The following PPP1CB variants were observed in gnomAD, a reference collection of about 807,000 sequenced individuals.
PPP1CB encodes the protein protein phosphatase 1 catalytic subunit beta.
In PPP1CB, 2 loss-of-function variants were observed where a neutral mutation model predicts 43.7. The observed-to-expected ratio is 0.05, with a 90% CI of 0.02 to 0.14. The LOEUF (loss-of-function observed/expected upper bound fraction) is 0.14, where lower values mean the gene tolerates loss of function less well. Ranked by LOEUF, PPP1CB falls within the 10% of genes least tolerant of loss-of-function variation. The pLI is 1.00. For synonymous variants in PPP1CB, 136 were observed against 135.6 expected (o/e 1.00, Z -0.02); for missense variants, 84 against 398.0 (o/e 0.21, Z 6.71).
chr2:28,798,983 G>A (rs1315227061), intron 7 of PPP1CB, among the ~76,000 whole-genome samples: 1 of 152,018 alleles, frequency 6.6e-6, no homozygotes, highest in African/African-American at 2.4e-5. Context: ...GGATTGGATA[G>A]TTGATAGAGT....
intron 6 of PPP1CB, among the ~76,000 whole-genome samples, chr2:28,790,236 G>A (rs1053866407): frequency 3.0e-5 from 4 of 133,058 alleles, no homozygotes; most frequent in Admixed American, 2.3e-4. Flanking sequence ...AGTGTAGATC[G>A]TACCATTTCA....
At chr2:28,759,162 C>T (rs114645391) in intron 1 of PPP1CB, among the ~76,000 whole-genome samples, 107 of 152,280 alleles carry the variant, frequency 7.0e-4, no homozygotes, top group African/African-American at 2.5e-3. Flanking sequence ...TGTCATAGTG[C>T]AATGCATTAC....
intron 5 of PPP1CB, among the ~76,000 whole-genome samples, chr2:28,785,182 C>A (rs1667240777): frequency 7.3e-6 from 1 of 136,154 alleles, no homozygotes; most frequent in Non-Finnish European, 1.5e-5. Context: ...TCAAGTGATT[C>A]TTCTGCCTCA....
chr2:28,799,068 G>C, intron 7 of PPP1CB, 131 bp from the exon 8 acceptor site: 4 of 630,280 alleles, frequency 6.3e-6, no homozygotes, highest in Non-Finnish European at 1.1e-5. Context: ...AAATGTTTAT[G>C]GAACTTTGCT....
rs553561458 is a variant in PPP1CB at position 28,780,243 on chromosome 2, G to A, written c.415+1204G>A. 2.6e-5 allele frequency among the ~76,000 whole-genome samples: 4 copies of A among 151,724 alleles called. No homozygotes were observed. In the South Asian group the frequency reaches 8.3e-4, roughly 31 times the overall value. ...AGCTGGGATTACAGGCATGTACCAC[G>A]TTCCCTGGCTAATTTTGTATATTTA... On this transcript the variant is annotated intron_variant, in intron 3 of 7. Transcript: ENST00000395366.
intron 1 of PPP1CB, among the ~76,000 whole-genome samples, chr2:28,764,597 A>G (rs1056471610): frequency 2.0e-5 from 3 of 152,156 alleles, no homozygotes; most frequent in Non-Finnish European, 2.9e-5. Context: ...GTCTAGATTT[A>G]ACTGCCATTA....
At position 28,784,038 on chromosome 2, in the gene PPP1CB, T is replaced by A. The variant is rs527998161; in HGVS notation, c.592+60T>A. The A allele has an allele frequency of 8.8e-4, 1,147 of 1,297,074 alleles. 2 individuals carry two copies. The highest frequency in any genetic ancestry group is 1.2e-3 in the Non-Finnish European group (1,037 of 898,800). 80.3% of individuals were successfully genotyped at this position (1,297,074 alleles called of 1,614,324 possible). ...AAGTGTTTTCATATTTGAACTTGAT[T>A]ACATTTAGTGGAAGTAGGATTGGCT... On this transcript the variant is annotated intron_variant, in intron 5 of 7. Coordinates refer to ENST00000395366, the MANE Select transcript of PPP1CB (RefSeq NM_002709.3).
intron 1 of PPP1CB, among the ~76,000 whole-genome samples, chr2:28,760,981 G>A (rs1281452226): frequency 6.6e-6 from 1 of 152,218 alleles, no homozygotes. Flanking sequence ...GCTCACTGCA[G>A]CCTCCGCCTC....
At chr2:28,791,411 A>G (rs952301782) in intron 6 of PPP1CB, among the ~76,000 whole-genome samples, 4 of 149,248 alleles carry the variant, frequency 2.7e-5, no homozygotes, top group African/African-American at 2.5e-5. Context: ...GCTCGCTGCA[A>G]CCTCCACCTC....
intron 1 of PPP1CB, among the ~76,000 whole-genome samples, chr2:28,762,259 T>C (rs528030410): frequency 6.6e-6 from 1 of 151,714 alleles, no homozygotes; most frequent in African/African-American, 2.4e-5. Flanking sequence ...CACTCCAGCC[T>C]GGGCGACAGA....
At chr2:28,788,848 T>G (rs746280809) in intron 6 of PPP1CB, 39 bp downstream of exon 6, 1 of 1,543,188 alleles carries the variant, frequency 6.5e-7, no homozygotes, top group East Asian at 2.3e-5. Context: ...TCTTTTTTCT[T>G]TCTTTTTTTT....
chr2:28,760,356 A>G (rs1440138891), intron 1 of PPP1CB, among the ~76,000 whole-genome samples: 1 of 152,178 alleles, frequency 6.6e-6, no homozygotes, highest in African/African-American at 2.4e-5. Context: ...AAAGAAAAAT[A>G]TTTTTATCTT....
Position 28,793,771 on chromosome 2 carries a change from GCA to G in PPP1CB, c.745-89_745-88del, listed in dbSNP as rs547821228. On this transcript the variant is annotated intron_variant, in intron 6 of 7. Transcript: ENST00000395366. ...CAGGGTGGTTTGGGGGTGAGGTGGG[GCA>G]CAGTCTTTGCCACCTTAACCTTAAT... 107 of 1,406,168 alleles carry G rather than the reference GCA, an allele frequency of 7.6e-5. No homozygotes were observed. In the African/African-American group the frequency reaches 1.3e-3, roughly 17 times the overall value. The allele number at this position is 1,406,168 out of a possible 1,614,324, so 87.1% of individuals were successfully genotyped here. A position where few individuals can be genotyped will look rare whatever the true frequency, so the allele number is the denominator to read the frequency against.
At chr2:28,791,666 G>A (rs966613839) in intron 6 of PPP1CB, among the ~76,000 whole-genome samples, 1 of 152,114 alleles carries the variant, frequency 6.6e-6, no homozygotes, top group Non-Finnish European at 1.5e-5. Flanking sequence ...CTGTGTTTAT[G>A]ATTTTGATAA....
At chr2:28,788,324 GGGTTGTTTGGTTAT>G (rs374521953) in intron 5 of PPP1CB, among the ~76,000 whole-genome samples, 1 of 152,322 alleles carries the variant, frequency 6.6e-6, no homozygotes, top group African/African-American at 2.4e-5. Context: ...AAATACCACT[GGGTTGTTTGGTTAT>G]TCATATGGAG....
chr2:28,776,805 A>G (rs377051119), intron 1 of PPP1CB, 46 bp from the exon 2 acceptor site: 91 of 1,560,496 alleles, frequency 5.8e-5, no homozygotes, highest in Non-Finnish European at 6.9e-5. Flanking sequence ...AAAGATTATT[A>G]TGAGTAAATT....
chr2:28,762,092 C>T (rs1197355621), intron 1 of PPP1CB, among the ~76,000 whole-genome samples: 1 of 152,128 alleles, frequency 6.6e-6, no homozygotes, highest in East Asian at 1.9e-4. Flanking sequence ...CAAGACCAGC[C>T]TGGGCAACAT....
chr2:28,799,045 T>G (rs111306292), intron 7 of PPP1CB, among the ~76,000 whole-genome samples, 154 bp from the exon 8 acceptor site: 4 of 152,266 alleles, frequency 2.6e-5, no homozygotes, highest in African/African-American at 9.6e-5. Context: ...TTCAGACATT[T>G]GCACACTTTA....
intron 3 of PPP1CB, among the ~76,000 whole-genome samples, chr2:28,780,380 G>A (rs1667133711): frequency 1.3e-5 from 2 of 151,974 alleles, no homozygotes; most frequent in Admixed American, 6.6e-5. Context: ...TGTGAGCCAC[G>A]GCGCCCAGCC....
Sources: gnomAD v4.1 joint callset for allele counts (sites outside exome capture counted in the v4.1 genomes callset) on GRCh38, gnomAD v4.1.1 for gene constraint, MANE v1.5 for transcripts, NCBI Gene and HGNC (gene_info 2026-07-23, HGNC 2026-07-21) for gene names.